GALNT14: variants seen among roughly 807,000 people sequenced by gnomAD.
The protein encoded by GALNT14 is polypeptide N-acetylgalactosaminyltransferase 14.
Under a neutral mutation model 77.5 loss-of-function variants are expected in GALNT14, and 60 were observed. The ratio of observed to expected loss-of-function variants is 0.77; its 90% CI spans 0.63 to 0.96. The LOEUF (loss-of-function observed/expected upper bound fraction) is 0.96. Among genes scored for constraint, GALNT14 ranks in the 40% least tolerant of loss-of-function variants. GALNT14 has a pLI of 0.00. For missense variants in GALNT14, 710 were observed against 731.0 expected (o/e 0.97, Z 0.33); for synonymous variants, 280 against 281.7 (o/e 0.99, Z 0.06).
At chr2:31,125,008 C>T (rs907529239) in intron 1 of GALNT14, 14 of 621,952 alleles carry the variant, frequency 2.3e-5, no homozygotes, top group Admixed American at 5.5e-5. Context: ...TGGCCAGAGC[C>T]TCCTGCTGGA....
intron 1 of GALNT14, among the ~76,000 whole-genome samples, chr2:31,097,673 T>A (rs1677070722): frequency 1.3e-5 from 2 of 152,202 alleles, no homozygotes; most frequent in Non-Finnish European, 2.9e-5. Flanking sequence ...TTAAGCCTAT[T>A]TGGGTCACAC....
chr2:31,017,317 T>C (rs533789136), intron 1 of GALNT14, among the ~76,000 whole-genome samples: 7 of 152,310 alleles, frequency 4.6e-5, no homozygotes, highest in Non-Finnish European at 8.8e-5. Context: ...CCATCTTCTG[T>C]TCCCTTGCCC....
chr2:31,045,900 C>G (rs1234926232), intron 1 of GALNT14, among the ~76,000 whole-genome samples: 1 of 152,164 alleles, frequency 6.6e-6, no homozygotes, highest in Non-Finnish European at 1.5e-5. Context: ...AGTTCCTACT[C>G]TTTTTCACCT....
At chr2:31,023,161 A>C (rs56189378) in intron 1 of GALNT14, among the ~76,000 whole-genome samples, 55,596 of 150,794 alleles carry the variant, frequency 0.37, 10,692 homozygotes, top group East Asian at 0.56. Context: ...AAACAAAAAC[A>C]AAAACAAAAA....
intron 1 of GALNT14, among the ~76,000 whole-genome samples, chr2:31,065,914 T>G (rs1674920010): frequency 6.6e-6 from 1 of 152,046 alleles, no homozygotes; most frequent in Non-Finnish European, 1.5e-5. Flanking sequence ...ATCCAAAAAC[T>G]TAACCCATGG....
At position 30,997,791 on chromosome 2, in the gene GALNT14, T is replaced by C. The variant is rs192609331; in HGVS notation, c.130-4784A>G. The stretch of plus-strand genomic sequence containing the variant: ...TGTGGAATGATCAAATCAGGCTAAT[T>C]AACATTTTCATTTCCTTAAATATTT... On this transcript the variant is annotated intron_variant, in intron 1 of 14. Coordinates refer to ENST00000349752, the MANE Select transcript of GALNT14 (RefSeq NM_024572.4). Among the ~76,000 whole-genome samples, 3 of 152,372 alleles carry C rather than the reference T, an allele frequency of 2.0e-5. 1 individual carries two copies. The East Asian group carries it at 5.8e-4, about 29-fold the overall frequency.
At chr2:31,116,665 G>A (rs1678120747) in intron 1 of GALNT14, among the ~76,000 whole-genome samples, 1 of 152,140 alleles carries the variant, frequency 6.6e-6, no homozygotes, top group Non-Finnish European at 1.5e-5. Context: ...CTCAAAAAAT[G>A]ACATAAACCA....
At chr2:31,067,726 G>A (rs113756424) in intron 1 of GALNT14, among the ~76,000 whole-genome samples, 11 of 152,272 alleles carry the variant, frequency 7.2e-5, no homozygotes, top group African/African-American at 2.6e-4. Flanking sequence ...ACAGCGCTCT[G>A]CTTCTACCAC....
At chr2:31,015,005 C>T (rs1435429858) in intron 1 of GALNT14, among the ~76,000 whole-genome samples, 11 of 152,094 alleles carry the variant, frequency 7.2e-5, no homozygotes, top group Admixed American at 7.2e-4. Flanking sequence ...GAGGCAGGAG[C>T]TTGGCCGGGC....
chr2:30,897,803 C>T, the GALNT14 span, among the ~76,000 whole-genome samples: 2 of 152,214 alleles, frequency 1.3e-5, no homozygotes, highest in African/African-American at 4.8e-5. Context: ...CAGCAGGGGA[C>T]ACCATTCCCA....
intron 1 of GALNT14, among the ~76,000 whole-genome samples, chr2:31,109,987 C>T (rs937720827): frequency 6.6e-6 from 1 of 152,222 alleles, no homozygotes; most frequent in Admixed American, 6.5e-5. Flanking sequence ...TCCTGGTTCA[C>T]AGTCCCCACT....
chr2:31,031,161 C>T (rs1298976639), intron 1 of GALNT14, among the ~76,000 whole-genome samples: 1 of 152,112 alleles, frequency 6.6e-6, no homozygotes, highest in Non-Finnish European at 1.5e-5. Flanking sequence ...AAATGGTAGA[C>T]TTATCAAGTC....
At chr2:31,054,546 C>A (rs1366104427) in intron 1 of GALNT14, among the ~76,000 whole-genome samples, 2 of 152,194 alleles carry the variant, frequency 1.3e-5, no homozygotes, top group Non-Finnish European at 2.9e-5. Flanking sequence ...TAGCGCCTAC[C>A]CCATTCAACT....
At chr2:31,075,903 C>T (rs9973425) in intron 1 of GALNT14, among the ~76,000 whole-genome samples, 89,620 of 152,052 alleles carry the variant, frequency 0.59, 27,207 homozygotes, top group African/African-American at 0.74. Context: ...CAAACAACTC[C>T]GACAGTCCCA....
intron 1 of GALNT14, among the ~76,000 whole-genome samples, chr2:31,105,283 C>T (rs1677498589): frequency 6.6e-6 from 1 of 152,322 alleles, no homozygotes; most frequent in Non-Finnish European, 1.5e-5. Flanking sequence ...GAAAGTCCTT[C>T]AAGCCAGCTC....
intron 1 of GALNT14, among the ~76,000 whole-genome samples, chr2:30,997,973 A>G (rs963877410): frequency 5.3e-5 from 8 of 151,952 alleles, no homozygotes; most frequent in African/African-American, 1.9e-4. Flanking sequence ...TCTACTCTCT[A>G]CTTCTCTGAG....
intron 1 of GALNT14, among the ~76,000 whole-genome samples, chr2:31,019,538 C>T (rs977007565): frequency 6.6e-6 from 1 of 152,186 alleles, no homozygotes; most frequent in African/African-American, 2.4e-5. Context: ...GGGTCCACCA[C>T]ACAGCCCCAC....
intron 14 of GALNT14, among the ~76,000 whole-genome samples, chr2:30,911,540 A>G (rs913375212): frequency 2.6e-5 from 4 of 152,134 alleles, no homozygotes; most frequent in African/African-American, 9.7e-5. Context: ...CTCGCATGAC[A>G]AAGGAGGGAC....
intron 1 of GALNT14, among the ~76,000 whole-genome samples, chr2:31,083,332 C>T (rs561447405): frequency 6.6e-6 from 1 of 152,194 alleles, no homozygotes; most frequent in African/African-American, 2.4e-5. Context: ...GGATATAGAA[C>T]TGAGTTTTTG....
Sources: allele counts gnomAD v4.1 joint callset (sites outside exome capture counted in the v4.1 genomes callset), GRCh38; gene constraint gnomAD v4.1.1; transcripts MANE v1.5; gene names NCBI Gene and HGNC (gene_info 2026-07-23, HGNC 2026-07-21).